The following VDAC3 variants were observed in gnomAD, a reference collection of about 807,000 sequenced individuals.
VDAC3 encodes the protein non-selective voltage-gated ion channel VDAC3.
Under a neutral mutation model 33.9 loss-of-function variants are expected in VDAC3, and 7 were observed. That is an observed-to-expected ratio of 0.21 (90% CI 0.12 to 0.39). VDAC3 has a LOEUF of 0.39. Ranked by LOEUF, VDAC3 falls within the 10% of genes least tolerant of loss-of-function variation. The pLI, the probability that VDAC3 is intolerant of heterozygous loss-of-function variation, is 1.00. For missense variants in VDAC3, 261 were observed against 334.5 expected (o/e 0.78, Z 1.71); for synonymous variants, 100 against 122.4 (o/e 0.82, Z 1.21).
intron 6 of VDAC3, among the ~76,000 whole-genome samples, chr8:42,400,232 G>A (rs1802392037): frequency 6.6e-6 from 1 of 151,902 alleles, no homozygotes; most frequent in African/African-American, 2.4e-5. Flanking sequence ...CAGCTACTCA[G>A]GAGGCTGAGG....
Position 42,399,695 on chromosome 8 carries a change from G to A in VDAC3, c.315G>A (p.Pro105=), listed in dbSNP as rs199738743. The change falls in exon 6 of 10, where the codon CCG becomes CCA. Residue 105 remains proline, a synonymous_variant. Coordinates refer to ENST00000022615, the MANE Select transcript of VDAC3 (RefSeq NM_005662.7). ...LKLTLDTIFV[P]NTGKKSGKLK... is the part of the protein sequence containing the mutation. ...TGACTCTTGATACCATATTTGTACC[G>A]AACACAGGGTAATTATTCAAATCCC... 3.8e-5 allele frequency: 61 copies of A among 1,611,268 alleles called. No homozygotes were observed. The highest frequency in any genetic ancestry group is 3.1e-4 in the East Asian group (14 of 44,808).
chr8:42,401,302 T>C (rs1393190419), intron 6 of VDAC3, among the ~76,000 whole-genome samples: 1 of 152,140 alleles, frequency 6.6e-6, no homozygotes, highest in Non-Finnish European at 1.5e-5. Context: ...GTTCAAGTGA[T>C]TCTCCTGCCT....
At chr8:42,399,008 C>G (rs1802369024) in intron 5 of VDAC3, 144 bp downstream of exon 5, 1 of 842,658 alleles carries the variant, frequency 1.2e-6, no homozygotes, top group Non-Finnish European at 1.8e-6. Flanking sequence ...TTTTTGATGT[C>G]TTATGTTTCT....
chr8:42,400,210 C>T (rs1352346603), intron 6 of VDAC3, among the ~76,000 whole-genome samples: 5 of 151,574 alleles, frequency 3.3e-5, no homozygotes, highest in Non-Finnish European at 7.4e-5. Context: ...TGGTGGTGGG[C>T]GCCTGTAGTC....
At chr8:42,403,593 A>G (rs1802452342) in intron 8 of VDAC3, 132 bp downstream of exon 8, 2 of 1,041,472 alleles carry the variant, frequency 1.9e-6, no homozygotes, top group Non-Finnish European at 2.7e-6. Flanking sequence ...AGTGAAAGGA[A>G]TATAATGTGG....
intron 4 of VDAC3, chr8:42,396,865 A>G (rs1802327326): frequency 5.2e-6 from 3 of 577,946 alleles, no homozygotes; most frequent in Non-Finnish European, 9.1e-6. Context: ...CATTTAATGT[A>G]GAGCTATATG....
At chr8:42,396,778 T>C in intron 4 of VDAC3, 1 of 648,780 alleles carries the variant, frequency 1.5e-6, no homozygotes, top group Non-Finnish European at 2.7e-6. Context: ...CCAAATTTCT[T>C]AGATTGTGTC....
chr8:42,402,859 C>T (rs1802438433), intron 7 of VDAC3, among the ~76,000 whole-genome samples: 2 of 152,098 alleles, frequency 1.3e-5, no homozygotes, highest in South Asian at 2.1e-4. Flanking sequence ...CCCTAGGTAT[C>T]GTAGGAGGGT....
chr8:42,397,457 A>G (rs1006608476), intron 4 of VDAC3: 3 of 152,338 alleles, frequency 2.0e-5, no homozygotes, highest in East Asian at 3.9e-4. Flanking sequence ...AAGACTGGTC[A>G]GGGTTGGCAG....
chr8:42,402,648 T>G (rs1285654232), intron 7 of VDAC3, among the ~76,000 whole-genome samples: 1 of 152,212 alleles, frequency 6.6e-6, no homozygotes, highest in Non-Finnish European at 1.5e-5. Flanking sequence ...AAGGGCAAAC[T>G]ATGTGTTTTT....
intron 8 of VDAC3, 44 bp from the exon 9 acceptor site, chr8:42,404,823 T>C (rs1380919585): frequency 2.6e-6 from 4 of 1,550,560 alleles, no homozygotes; most frequent in Non-Finnish European, 3.6e-6. Flanking sequence ...TGGACTGATC[T>C]GTAATTCACT....
intron 8 of VDAC3, among the ~76,000 whole-genome samples, chr8:42,404,638 C>T (rs976752929): frequency 1.3e-5 from 2 of 150,362 alleles, no homozygotes; most frequent in Non-Finnish European, 2.9e-5. Context: ...AGGAGAATGG[C>T]TTGGACCCGG....
chr8:42,405,078 A>G (rs577133598), intron 9 of VDAC3, among the ~76,000 whole-genome samples, 154 bp downstream of exon 9: 1 of 152,318 alleles, frequency 6.6e-6, no homozygotes, highest in South Asian at 2.1e-4. Flanking sequence ...CAGATCAAAT[A>G]CTTTTGCATT....
chr8:42,395,214 T>A, intron 4 of VDAC3, 81 bp downstream of exon 4: 3 of 1,579,846 alleles, frequency 1.9e-6, no homozygotes, highest in Non-Finnish European at 2.6e-6. Context: ...GTCTAGTTAC[T>A]TGAACCAGCA....
rs1563422174 is a variant in VDAC3 at position 42,399,638 on chromosome 8, C to G, written c.271-13C>G. 1 of 1,604,402 alleles carries G rather than the reference C, an allele frequency of 6.2e-7. No homozygotes were observed. The highest frequency in any genetic ancestry group is 8.5e-7 in the Non-Finnish European group (1 of 1,173,738). ...AAATTACTAATTATTTATTTTAAAT[C>G]TTTGTTTTTCAGTTGGCTGAAGGGT... is the stretch of plus-strand genomic sequence containing the variant. On this transcript the variant is annotated splice_polypyrimidine_tract_variant and intron_variant, in intron 5 of 9. Coordinates refer to ENST00000022615, the MANE Select transcript of VDAC3 (RefSeq NM_005662.7).
At chr8:42,402,332 G>A (rs1802429776) in intron 7 of VDAC3, among the ~76,000 whole-genome samples, 1 of 152,182 alleles carries the variant, frequency 6.6e-6, no homozygotes, top group Non-Finnish European at 1.5e-5. Context: ...AGATGTTACT[G>A]CTTCCTCTGC....
At position 42,396,530 on chromosome 8, in the gene VDAC3, C is replaced by T. The variant is rs77829339; in HGVS notation, c.117+1397C>T. The T allele has an allele frequency of 4.4e-3, 2,524 of 579,380 alleles. 62 individuals carry two copies. The highest frequency in any genetic ancestry group is 0.044 in the African/African-American group (2,313 of 53,122). The allele number at this position is 579,380 out of a possible 1,614,324, so 35.9% of individuals were successfully genotyped here. On this transcript the variant is annotated intron_variant, in intron 4 of 9. Coordinates refer to ENST00000022615, the MANE Select transcript of VDAC3 (RefSeq NM_005662.7). ...TGCACCTCCCTTACTAAGATGGGCACGCTGTGTATATAGTTCTGTTAAAAT... is the reference window on the plus strand; with the variant it reads ...TGCACCTCCCTTACTAAGATGGGCATGCTGTGTATATAGTTCTGTTAAAAT...
At chr8:42,399,617 T>C in intron 5 of VDAC3, 34 bp from the exon 6 acceptor site, 1 of 1,572,820 alleles carries the variant, frequency 6.4e-7, no homozygotes, top group Non-Finnish European at 8.7e-7. Flanking sequence ...GATTGAAAAT[T>C]ACTAATTATT....
intron 8 of VDAC3, among the ~76,000 whole-genome samples, chr8:42,404,067 T>A (rs1371692059): frequency 6.6e-6 from 1 of 152,156 alleles, no homozygotes; most frequent in African/African-American, 2.4e-5. Flanking sequence ...AAAATAACAC[T>A]GAGCTGTTAA....
Sources: gnomAD v4.1 joint callset for allele counts (sites outside exome capture counted in the v4.1 genomes callset) on GRCh38, gnomAD v4.1.1 for gene constraint, MANE v1.5 for transcripts, NCBI Gene and HGNC (gene_info 2026-07-23, HGNC 2026-07-21) for gene names.